The following RERE variants were observed in gnomAD, a reference collection of about 807,000 sequenced individuals.
The protein encoded by RERE is arginine-glutamic acid dipeptide repeats protein.
RERE carries 40 observed loss-of-function variants against 146.1 expected under a neutral mutation model. The observed-to-expected ratio is 0.27, with a 90% CI of 0.21 to 0.36. The LOEUF is 0.36. Ranked by LOEUF, RERE falls within the 10% of genes least tolerant of loss-of-function variation. The probability of loss-of-function intolerance (pLI) is 1.00; values close to 1 mark genes in which losing one functional copy is unlikely to be tolerated. For missense variants in RERE, 1,933 were observed against 2,138.7 expected (o/e 0.90, Z 1.90); for synonymous variants, 1,003 against 866.0 (o/e 1.16, Z -2.78).
intron 12 of RERE, among the ~76,000 whole-genome samples, chr1:8,408,916 G>A (rs1232036642): frequency 6.6e-6 from 1 of 152,100 alleles, no homozygotes; most frequent in Non-Finnish European, 1.5e-5. Context: ...TGTGTTTGGG[G>A]GTCCCCCAAA....
intron 1 of RERE, among the ~76,000 whole-genome samples, chr1:8,662,328 C>T (rs1441375640): frequency 6.6e-6 from 1 of 152,134 alleles, no homozygotes; most frequent in Non-Finnish European, 1.5e-5. Context: ...AAAACCAATT[C>T]AGACAAAGCA....
intron 12 of RERE, among the ~76,000 whole-genome samples, chr1:8,407,659 T>C (rs954861070): frequency 6.6e-6 from 1 of 152,116 alleles, no homozygotes; most frequent in African/African-American, 2.4e-5. Context: ...CACCTGTGCA[T>C]GTGGAATGAT....
At chr1:8,790,730 T>C (rs1641349278) in intron 1 of RERE, among the ~76,000 whole-genome samples, 1 of 152,206 alleles carries the variant, frequency 6.6e-6, no homozygotes, top group African/African-American at 2.4e-5. Context: ...ATTATAGGCA[T>C]GCGCCACCAT....
chr1:8,623,434 G>C (rs1557441119), intron 3 of RERE, among the ~76,000 whole-genome samples: 1 of 152,194 alleles, frequency 6.6e-6, no homozygotes, highest in Non-Finnish European at 1.5e-5. Flanking sequence ...CTGGGTGACA[G>C]AGCAAGACTC....
chr1:8,373,926 C>T (rs919861439), intron 12 of RERE, among the ~76,000 whole-genome samples: 1 of 152,182 alleles, frequency 6.6e-6, no homozygotes, highest in African/African-American at 2.4e-5. Flanking sequence ...CACTGTTCTC[C>T]TGGGCTCCTT....
intron 11 of RERE, 127 bp downstream of exon 11, chr1:8,465,798 C>A: frequency 1.3e-6 from 1 of 760,946 alleles, no homozygotes; most frequent in African/African-American, 1.7e-5. Context: ...TCCTGCCTGG[C>A]GCTGCCACGG....
chr1:8,811,745 G>A (rs899841622), intron 1 of RERE, among the ~76,000 whole-genome samples: 1 of 152,248 alleles, frequency 6.6e-6, no homozygotes, highest in Non-Finnish European at 1.5e-5. Flanking sequence ...CCCTGCTGCT[G>A]CAGGACTGTC....
intron 6 of RERE, among the ~76,000 whole-genome samples, chr1:8,548,214 G>T (rs550515834): frequency 6.6e-6 from 1 of 152,326 alleles, no homozygotes; most frequent in Admixed American, 6.5e-5. Flanking sequence ...CAAGTAAAAT[G>T]ATCAGTAACC....
At chr1:8,682,515 A>G (rs1013859095) in intron 1 of RERE, among the ~76,000 whole-genome samples, 1 of 152,104 alleles carries the variant, frequency 6.6e-6, no homozygotes, top group Non-Finnish European at 1.5e-5. Context: ...TACCCACCAT[A>G]AACTTTCTCA....
At chr1:8,439,859 G>C (rs939519997) in intron 11 of RERE, among the ~76,000 whole-genome samples, 3 of 151,820 alleles carry the variant, frequency 2.0e-5, no homozygotes, top group Non-Finnish European at 4.4e-5. Context: ...GATCACCTGA[G>C]GTCAAAAGTT....
intron 10 of RERE, among the ~76,000 whole-genome samples, chr1:8,479,739 T>C (rs558531403): frequency 9.8e-5 from 15 of 152,356 alleles, no homozygotes; most frequent in African/African-American, 3.4e-4. Flanking sequence ...TGATGTCAGA[T>C]TTCTGGCTTC....
At chr1:8,466,257 A>G (rs951695299) in intron 10 of RERE, among the ~76,000 whole-genome samples, 11 of 152,184 alleles carry the variant, frequency 7.2e-5, no homozygotes, top group Non-Finnish European at 1.5e-4. Context: ...ATATTTTGGC[A>G]AAGATAGGAA....
intron 4 of RERE, among the ~76,000 whole-genome samples, chr1:8,582,901 G>A (rs1251846089): frequency 6.6e-6 from 1 of 152,154 alleles, no homozygotes. Flanking sequence ...ACATAGATCT[G>A]AGCCTGGCCT....
At chr1:8,705,172 G>A (rs1211887837) in intron 1 of RERE, among the ~76,000 whole-genome samples, 2 of 152,182 alleles carry the variant, frequency 1.3e-5, no homozygotes, top group South Asian at 2.1e-4. Flanking sequence ...GAAAAGGCTG[G>A]TGAGAAGAAG....
chr1:8,635,752 T>C (rs1048356435), intron 2 of RERE, among the ~76,000 whole-genome samples: 3 of 151,992 alleles, frequency 2.0e-5, no homozygotes, highest in African/African-American at 7.2e-5. Context: ...ATAAAGAATA[T>C]GAAGGATTCT....
chr1:8,697,326 T>C (rs1434382976), intron 1 of RERE, among the ~76,000 whole-genome samples: 2 of 151,984 alleles, frequency 1.3e-5, no homozygotes, highest in East Asian at 3.9e-4. Flanking sequence ...GGTTTTTCTG[T>C]ATAATTTAAT....
chr1:8,410,288 C>T (rs1377236530), intron 12 of RERE, among the ~76,000 whole-genome samples: 1 of 152,066 alleles, frequency 6.6e-6, no homozygotes, highest in Non-Finnish European at 1.5e-5. Context: ...TTACAAAGGG[C>T]CGAATGATAA....
At position 8,800,093 on chromosome 1, in the gene RERE, C is replaced by T. The variant is rs1055116534; in HGVS notation, c.-145+17067G>A. Among the ~76,000 whole-genome samples the T allele has an allele frequency of 5.7e-4, 87 of 152,166 alleles. 2 individuals are homozygous for T. The highest frequency in any genetic ancestry group is 1.8e-3 in the African/African-American group (76 of 41,520). On this transcript the variant is annotated intron_variant, in intron 1 of 22. Coordinates refer to ENST00000400908, the MANE Select transcript of RERE (RefSeq NM_001042681.2). The stretch of plus-strand genomic sequence containing the variant: ...CCTCCCAAAGTGCTGAGATTACAGG[C>T]GTGAGCCACCGCACCTGGCCAGTGT...
chr1:8,647,425 G>GA (rs146229416), intron 2 of RERE, among the ~76,000 whole-genome samples: 3 of 151,508 alleles, frequency 2.0e-5, no homozygotes, highest in Admixed American at 6.6e-5. Flanking sequence ...TCACATGTCG[G>GA]AAAAAAAACA....
Sources: gnomAD v4.1 joint callset for allele counts (sites outside exome capture counted in the v4.1 genomes callset) on GRCh38, gnomAD v4.1.1 for gene constraint, MANE v1.5 for transcripts, NCBI Gene and HGNC (gene_info 2026-07-23, HGNC 2026-07-21) for gene names.